Variants in COPB2 observed in about 807,000 individuals in gnomAD.
COPB2 encodes coatomer subunit beta'.
A neutral mutation model predicts 120.8 loss-of-function variants in COPB2; 16 were observed. The ratio of observed to expected loss-of-function variants is 0.13; its 90% CI spans 0.09 to 0.20. The LOEUF is 0.20. Ranked by LOEUF, COPB2 falls within the 10% of genes least tolerant of loss-of-function variation. The probability of loss-of-function intolerance (pLI) is 1.00; values close to 1 mark genes in which losing one functional copy is unlikely to be tolerated. For missense variants in COPB2, 794 were observed against 1,076.5 expected (o/e 0.74, Z 3.67); for synonymous variants, 332 against 366.3 (o/e 0.91, Z 1.07).
intron 10 of COPB2, among the ~76,000 whole-genome samples, chr3:139,370,933 T>C (rs530870523): frequency 2.6e-5 from 4 of 152,222 alleles, no homozygotes; most frequent in Non-Finnish European, 5.9e-5. Flanking sequence ...TCAATAAATC[T>C]TACTGTTGTA....
chr3:139,366,396 G>A (rs1576371606), intron 15 of COPB2, among the ~76,000 whole-genome samples, 172 bp downstream of exon 15: 1 of 152,118 alleles, frequency 6.6e-6, no homozygotes, highest in East Asian at 1.9e-4. Flanking sequence ...AGAAGGAAGA[G>A]TGTAAGAAGG....
intron 9 of COPB2, 79 bp from the exon 10 acceptor site, chr3:139,371,912 T>C: frequency 1.0e-6 from 1 of 987,692 alleles, no homozygotes; most frequent in East Asian, 2.5e-5. Context: ...ATTCATGTTA[T>C]GGTAAAAGAA....
intron 16 of COPB2, among the ~76,000 whole-genome samples, 157 bp from the exon 17 acceptor site, chr3:139,361,452 G>A (rs1941417982): frequency 1.3e-5 from 2 of 151,248 alleles, no homozygotes; most frequent in South Asian, 2.1e-4. Flanking sequence ...AATGTACAGT[G>A]AGGAAATGGA....
intron 18 of COPB2, 24 bp from the exon 19 acceptor site, chr3:139,359,202 AAG>A (rs769170089): frequency 6.2e-7 from 1 of 1,612,092 alleles, no homozygotes; most frequent in Non-Finnish European, 8.5e-7. Context: ...CATGGAACCA[AAG>A]AGAGACTAAG....
In COPB2 at chr3:139,369,489, T is replaced by C; in HGVS notation, c.1261A>G (p.Lys421Glu). 6.2e-7 allele frequency: 1 copy of C among 1,612,524 alleles called. No homozygotes were observed. The highest frequency in any genetic ancestry group is 8.5e-7 in the Non-Finnish European group (1 of 1,179,256). Residue 421 changes from lysine to glutamate, a missense_variant, in exon 11 of 22, where the codon AAA (lysine) becomes GAA (glutamate). Lys to Glu is a moderately conservative substitution (Grantham distance 56). Around this residue, in one of 3 missense-constraint regions of COPB2, gnomAD observed 610 missense variants for 866.7 expected, o/e 0.70. Coordinates refer to ENST00000333188, the MANE Select transcript of COPB2 (RefSeq NM_004766.3). ...CCAAAATCTGGTTTAAATGATTTTTTTTCCTTAAAGTTCTTAAATATCTTT... is the reference window on the plus strand; with the variant it reads ...CCAAAATCTGGTTTAAATGATTTTTCTTCCTTAAAGTTCTTAAATATCTTT... ...IVKIFKNFKE[K>E]KSFKPDFGAE... is the part of the protein sequence containing the mutation.
In COPB2 at chr3:139,358,813, C is replaced by G; in HGVS notation, c.2485-1G>C. On this transcript the variant is annotated splice_acceptor_variant, in intron 19 of 21. Transcript: ENST00000333188. LOFTEE classifies it high-confidence loss of function. Reference sequence around the variant, plus strand: ...CCATGACATTTCTCTCTTCATTTGGCTATCAGAGAATAAAGCAATGATGAA... The same window carrying G: ...CCATGACATTTCTCTCTTCATTTGGGTATCAGAGAATAAAGCAATGATGAA... The G allele has an allele frequency of 6.2e-7, 1 of 1,611,092 alleles. No homozygotes were observed. Among genetic ancestry groups the G allele is most frequent in the Non-Finnish European group, 8.5e-7 (1 of 1,177,432 alleles).
At chr3:139,364,072 C>T (rs1277462157) in intron 15 of COPB2, among the ~76,000 whole-genome samples, 1 of 151,630 alleles carries the variant, frequency 6.6e-6, no homozygotes, top group East Asian at 1.9e-4. Context: ...AAGCTCCCAA[C>T]GACACACAGA....
In COPB2 at chr3:139,371,703, A is replaced by G. The variant is rs891855939; in HGVS notation, c.1205+20T>C. 2.5e-6 allele frequency: 4 copies of G among 1,595,408 alleles called. No homozygotes were observed. The highest frequency in any genetic ancestry group is 3.3e-5 in the Admixed American group (2 of 59,950). The stretch of plus-strand genomic sequence containing the variant: ...CATCTGCAATCAGGGCATGCTGGCT[A>G]TCATACAATCAAAACTTACTCTGAA... On this transcript the variant is annotated intron_variant, in intron 10 of 21. Transcript: ENST00000333188.
rs1306253311 is a variant in COPB2 at position 139,371,765 on chromosome 3, A to T, written c.1163T>A (p.Phe388Tyr). The T allele has an allele frequency of 3.1e-6, 5 of 1,613,982 alleles. No homozygotes were observed. Among genetic ancestry groups the T allele is most frequent in the Non-Finnish European group, 4.2e-6 (5 of 1,179,936 alleles). The change falls in exon 10 of 22, where the codon TTT (phenylalanine) becomes TAT (tyrosine). Residue 388 changes from phenylalanine to tyrosine, a missense_variant. Coordinates refer to ENST00000333188, the MANE Select transcript of COPB2 (RefSeq NM_004766.3). ...CCATGCAAACTCCTGAGCAGATCCAAAGCTCTTGTTTCTCAATGCCATTGC... is the reference window on the plus strand; with the variant it reads ...CCATGCAAACTCCTGAGCAGATCCATAGCTCTTGTTTCTCAATGCCATTGC... ...YTAMALRNKS[F>Y]GSAQEFAWAH... is the part of the protein sequence containing the mutation.
rs780109709 is a variant in COPB2 at position 139,358,284 on chromosome 3, G to T, written c.2554-13C>A. The T allele has an allele frequency of 2.5e-6, 4 of 1,608,860 alleles. No individual in the cohort carries two copies. In the South Asian group the frequency reaches 3.3e-5, roughly 13 times the overall value. On this transcript the variant is annotated splice_polypyrimidine_tract_variant and intron_variant, in intron 20 of 21. Transcript: ENST00000333188. Reference sequence around the variant, plus strand: ...TCCCATCAAGTTCCTGAAACCACAAGTGAAGATATATATGAAGACAAGGGA... The same window carrying T: ...TCCCATCAAGTTCCTGAAACCACAATTGAAGATATATATGAAGACAAGGGA...
chr3:139,371,753 T>C lies in COPB2; in HGVS notation c.1175A>G (p.Gln392Arg). ...ALRNKSFGSA[Q>R]EFAWAHDSSE... The stretch of plus-strand genomic sequence containing the variant: ...AGAATCGTGGGCCCATGCAAACTCC[T>C]GAGCAGATCCAAAGCTCTTGTTTCT... Residue 392 changes from glutamine (Q) to arginine (R), a missense_variant, in exon 10 of 22, where the codon CAG becomes CGG. Physicochemically the swap from Gln to Arg is conservative, Grantham distance 43 (BLOSUM62 1). Around this residue, in one of 3 missense-constraint regions of COPB2, gnomAD observed 610 missense variants for 866.7 expected, o/e 0.70. Coordinates refer to ENST00000333188, the MANE Select transcript of COPB2 (RefSeq NM_004766.3). 1 of 1,614,008 alleles carries C rather than the reference T, an allele frequency of 6.2e-7. No homozygotes were observed. The highest frequency in any genetic ancestry group is 1.1e-5 in the South Asian group (1 of 91,082).
chr3:139,379,315 A>G (rs2107807789), intron 3 of COPB2, 65 bp downstream of exon 3: 1 of 1,579,396 alleles, frequency 6.3e-7, no homozygotes, highest in East Asian at 2.2e-5. Context: ...AAAATCCTGC[A>G]ACAAATTTAC....
intron 9 of COPB2, among the ~76,000 whole-genome samples, chr3:139,372,162 A>T (rs111309646): frequency 6.6e-6 from 1 of 152,246 alleles, no homozygotes; most frequent in Non-Finnish European, 1.5e-5. Flanking sequence ...TTATTCAACC[A>T]GTATTTGTTG....
chr3:139,368,342 C>T lies in COPB2; in HGVS notation c.1402-54G>A, dbSNP rs1170316771. On this transcript the variant is annotated intron_variant, in intron 12 of 21. Transcript: ENST00000333188. Reference sequence around the variant, plus strand: ...GATTTGGATTTCTGAGTGGATATGACAAACTGCACATACTTGGTTTCTTAC... The same window carrying T: ...GATTTGGATTTCTGAGTGGATATGATAAACTGCACATACTTGGTTTCTTAC... 4 of 1,533,684 alleles carry T rather than the reference C, an allele frequency of 2.6e-6. No homozygotes were observed. The African/African-American group carries it at 5.5e-5, about 21-fold the overall frequency.
chr3:139,379,672 T>C, intron 2 of COPB2: 1 of 514,944 alleles, frequency 1.9e-6, no homozygotes, highest in South Asian at 2.7e-5. Flanking sequence ...TTTTAAAAGA[T>C]AAGAGAAGGC....
chr3:139,367,165 G>C lies in COPB2; in HGVS notation c.1546-20C>G. 2 of 1,609,122 alleles carry C rather than the reference G, an allele frequency of 1.2e-6. No homozygotes were observed. The highest frequency in any genetic ancestry group is 1.7e-6 in the Non-Finnish European group (2 of 1,178,562). ...AAGAACCTGCAGAAAGAAAAATAAA[G>C]ACAATTACTTTATCCAACATCAGAA... On this transcript the variant is annotated intron_variant, in intron 13 of 21. Coordinates refer to ENST00000333188, the MANE Select transcript of COPB2 (RefSeq NM_004766.3).
rs138037779 is a variant in COPB2 at position 139,362,495 on chromosome 3, G to C, written c.1907C>G (p.Thr636Arg). 15 of 1,608,056 alleles carry C rather than the reference G, an allele frequency of 9.3e-6. No individual in the cohort carries two copies. The African/African-American group carries it at 1.9e-4, about 20-fold the overall frequency. ...EKQGFKQQAL[T>R]VSTDPEHRFE... ...ACGATGCTCAGGATCTGTGGATACT[G>C]TAAGAGCTTGCTGCTTGAAGCCCTA... Residue 636 changes from threonine (T) to arginine (R), a missense_variant, in exon 16 of 22, where the codon ACA becomes AGA. Physicochemically the swap from Thr to Arg is moderately conservative, Grantham distance 71. Coordinates refer to ENST00000333188, the MANE Select transcript of COPB2 (RefSeq NM_004766.3).
chr3:139,379,525 C>T, intron 2 of COPB2, 59 bp from the exon 3 acceptor site: 1 of 1,358,958 alleles, frequency 7.4e-7, no homozygotes, highest in Non-Finnish European at 1.0e-6. Flanking sequence ...ACAAAATCTA[C>T]TCTGTTATAT....
At chr3:139,359,718 T>C (rs1941374118) in intron 17 of COPB2, among the ~76,000 whole-genome samples, 2 of 152,292 alleles carry the variant, frequency 1.3e-5, no homozygotes, top group Middle Eastern at 3.4e-3. Flanking sequence ...GGGCAGTGTC[T>C]CCAACATGGG....
Sources: gnomAD v4.1 joint callset for allele counts (sites outside exome capture counted in the v4.1 genomes callset) on GRCh38, gnomAD v4.1.1 for gene constraint, gnomAD v4.1.1 regional missense constraint, MANE v1.5 for transcripts, NCBI Gene and HGNC (gene_info 2026-07-23, HGNC 2026-07-21) for gene names.